Variants in LRRC4C observed in about 807,000 individuals in gnomAD.
The protein encoded by LRRC4C is leucine rich repeat containing 4C.
In LRRC4C, 5 loss-of-function variants were observed where a neutral mutation model predicts 33.6. The observed-to-expected ratio is 0.15, with a 90% CI of 0.08 to 0.31. LRRC4C has a LOEUF of 0.31. LRRC4C is among the 10% of genes least tolerant of loss of function. The probability of loss-of-function intolerance (pLI) is 1.00; values close to 1 mark genes in which losing one functional copy is unlikely to be tolerated. For missense variants in LRRC4C, 560 were observed against 796.7 expected (o/e 0.70, Z 3.58); for synonymous variants, 329 against 302.0 (o/e 1.09, Z -0.93).
intron 3 of LRRC4C, among the ~76,000 whole-genome samples, chr11:40,431,893 G>T (rs1051932129): frequency 2.6e-5 from 4 of 152,024 alleles, no homozygotes; most frequent in Admixed American, 1.3e-4. Flanking sequence ...ATCATAACTC[G>T]CAGTACTGAA....
At position 40,466,510 on chromosome 11, in the gene LRRC4C, C is replaced by A. The variant is rs186487969; in HGVS notation, c.-269-146789G>T. Among the ~76,000 whole-genome samples the A allele has an allele frequency of 3.2e-3, 482 of 151,742 alleles. 2 individuals carry two copies. Among genetic ancestry groups the A allele is most frequent in the Non-Finnish European group, 4.9e-3 (333 of 67,808 alleles). ...GCAGGCAGTTAATAATTATTGAATACCTACCATTTTTCAGACAGAATATAA... is the reference window on the plus strand; with the variant it reads ...GCAGGCAGTTAATAATTATTGAATAACTACCATTTTTCAGACAGAATATAA... On this transcript the variant is annotated intron_variant, in intron 3 of 6. Transcript: ENST00000528697.
intron 3 of LRRC4C, among the ~76,000 whole-genome samples, chr11:40,323,274 ACT>A (rs1429474406): frequency 6.6e-6 from 1 of 152,226 alleles, no homozygotes; most frequent in Non-Finnish European, 1.5e-5. Flanking sequence ...GTCCATTTGG[ACT>A]CTGCTGTTAG....
chr11:40,377,625 A>T (rs1403070267), intron 3 of LRRC4C, among the ~76,000 whole-genome samples: 1 of 152,024 alleles, frequency 6.6e-6, no homozygotes, highest in Non-Finnish European at 1.5e-5. Context: ...TCTTTTCTGC[A>T]TTGAGGTAGC....
intron 1 of LRRC4C, among the ~76,000 whole-genome samples, chr11:41,445,099 G>T (rs185958442): frequency 6.6e-6 from 1 of 152,024 alleles, no homozygotes; most frequent in African/African-American, 2.4e-5. Context: ...CACCACGCCC[G>T]ACATCTAACT....
At chr11:41,263,841 C>G (rs945471779) in intron 1 of LRRC4C, among the ~76,000 whole-genome samples, 1 of 151,976 alleles carries the variant, frequency 6.6e-6, no homozygotes, top group Non-Finnish European at 1.5e-5. Flanking sequence ...ATTCAGTATA[C>G]ATAGGATGAC....
intron 2 of LRRC4C, among the ~76,000 whole-genome samples, chr11:40,771,972 T>C (rs1565041808): frequency 6.6e-6 from 1 of 152,178 alleles, no homozygotes; most frequent in Non-Finnish European, 1.5e-5. Context: ...ACCAAACTGT[T>C]CCATCCTCTT....
chr11:41,228,253 T>C (rs933880313), intron 1 of LRRC4C, among the ~76,000 whole-genome samples: 3 of 152,116 alleles, frequency 2.0e-5, no homozygotes, highest in African/African-American at 7.2e-5. Flanking sequence ...CATTCTCATA[T>C]AGATAGATCA....
At chr11:40,268,666 C>CA (rs1045655770) in intron 4 of LRRC4C, among the ~76,000 whole-genome samples, 17 of 151,568 alleles carry the variant, frequency 1.1e-4, no homozygotes, top group East Asian at 3.9e-4. Flanking sequence ...AAAAAATCAG[C>CA]AAAAAAAATA....
chr11:41,353,988 G>T (rs373396962), intron 1 of LRRC4C, among the ~76,000 whole-genome samples: 1 of 152,036 alleles, frequency 6.6e-6, no homozygotes, highest in East Asian at 1.9e-4. Context: ...CCCACTGTCA[G>T]CACTCCTATT....
At chr11:40,537,120 C>G (rs942208706) in intron 3 of LRRC4C, among the ~76,000 whole-genome samples, 2 of 152,080 alleles carry the variant, frequency 1.3e-5, no homozygotes, top group African/African-American at 4.8e-5. Flanking sequence ...AAATATATGA[C>G]CTTCAATAAC....
At chr11:40,397,247 T>C (rs1367732711) in intron 3 of LRRC4C, among the ~76,000 whole-genome samples, 1 of 152,042 alleles carries the variant, frequency 6.6e-6, no homozygotes, top group African/African-American at 2.4e-5. Flanking sequence ...ACAAAGAGTG[T>C]TCCTAATGTT....
At chr11:40,265,265 T>A (rs1323770689) in intron 4 of LRRC4C, among the ~76,000 whole-genome samples, 1 of 152,240 alleles carries the variant, frequency 6.6e-6, no homozygotes, top group Non-Finnish European at 1.5e-5. Flanking sequence ...ACTGATCTCA[T>A]TACTTTGTCC....
intron 2 of LRRC4C, among the ~76,000 whole-genome samples, chr11:40,660,229 T>C (rs1261329176): frequency 5.3e-5 from 8 of 152,184 alleles, no homozygotes; most frequent in Admixed American, 2.6e-4. Flanking sequence ...CAGTGTGCAG[T>C]GGCTAGACCT....
intron 1 of LRRC4C, among the ~76,000 whole-genome samples, chr11:41,443,970 A>G (rs2138568513): frequency 6.6e-6 from 1 of 152,088 alleles, no homozygotes; most frequent in Admixed American, 6.5e-5. Context: ...CTGAGTATGT[A>G]TTTTGGGCAC....
intron 1 of LRRC4C, among the ~76,000 whole-genome samples, chr11:41,442,472 T>TTTC (rs1955659911): frequency 7.7e-5 from 3 of 38,988 alleles, no homozygotes; most frequent in Non-Finnish European, 1.2e-4. Context: ...TTTTTTTTTT[T>TTTC]TTTTTTTTTT....
At chr11:40,276,672 CAA>C (rs1182248105) in intron 4 of LRRC4C, among the ~76,000 whole-genome samples, 1 of 117,614 alleles carries the variant, frequency 8.5e-6, no homozygotes, top group Non-Finnish European at 1.8e-5. Context: ...TGGTGGGAAA[CAA>C]GTGTGTGTGT....
chr11:40,809,764 C>G (rs1951408569), intron 2 of LRRC4C, among the ~76,000 whole-genome samples: 1 of 152,138 alleles, frequency 6.6e-6, no homozygotes, highest in Admixed American at 6.6e-5. Flanking sequence ...TGGCATCATG[C>G]CTTACAAAGT....
chr11:41,185,874 A>T (rs1331575566), intron 1 of LRRC4C, among the ~76,000 whole-genome samples: 1 of 152,062 alleles, frequency 6.6e-6, no homozygotes. Context: ...CAAAATTTTA[A>T]AAAAAGAAAA....
At chr11:40,815,981 A>G (rs1336257573) in intron 2 of LRRC4C, among the ~76,000 whole-genome samples, 1 of 152,208 alleles carries the variant, frequency 6.6e-6, no homozygotes, top group Non-Finnish European at 1.5e-5. Context: ...CGATTTCACG[A>G]AGTGAGTAAC....
Sources: gnomAD v4.1 joint callset for allele counts (sites outside exome capture counted in the v4.1 genomes callset) on GRCh38, gnomAD v4.1.1 for gene constraint, MANE v1.5 for transcripts, NCBI Gene and HGNC (gene_info 2026-07-23, HGNC 2026-07-21) for gene names.